Variants in ZBTB34 observed in about 807,000 individuals in gnomAD.
ZBTB34 encodes the protein zinc finger and BTB domain-containing protein 34.
Under a neutral mutation model 33.4 loss-of-function variants are expected in ZBTB34, and 1 was observed. The ratio of observed to expected loss-of-function variants is 0.03; its 90% CI spans 0.01 to 0.14. ZBTB34 has a LOEUF of 0.14. Ranked by LOEUF, ZBTB34 falls within the 10% of genes least tolerant of loss-of-function variation. ZBTB34 has a pLI of 1.00. For missense variants in ZBTB34, 406 were observed against 657.2 expected, an observed-to-expected ratio of 0.62 and a Z score of 4.18; for synonymous variants, 283 against 253.5, an observed-to-expected ratio of 1.12 and a Z score of -1.11.
chr9:126,877,017 T>G (rs1309213453), intron 1 of ZBTB34, among the ~76,000 whole-genome samples: 1 of 152,188 alleles, frequency 6.6e-6, no homozygotes, highest in Non-Finnish European at 1.5e-5. Context: ...TTATGTGCTG[T>G]TTTTCTGTAT....
intron 1 of ZBTB34, among the ~76,000 whole-genome samples, chr9:126,867,664 T>C (rs1199425321): frequency 6.6e-6 from 1 of 152,064 alleles, no homozygotes. Context: ...GTCGAATGTA[T>C]TTGTCTTTGC....
At chr9:126,872,577 G>A (rs1041471480) in intron 1 of ZBTB34, among the ~76,000 whole-genome samples, 5 of 152,150 alleles carry the variant, frequency 3.3e-5, no homozygotes, top group Admixed American at 1.3e-4. Flanking sequence ...TTGTGCCTAC[G>A]TAAGAGGCTC....
chr9:126,884,252 CAAAG>C (rs2033488697), exon 2 of ZBTB34: 2 of 166,986 alleles, frequency 1.2e-5, no homozygotes, highest in Non-Finnish European at 1.5e-5. Flanking sequence ...ACTGTGAAGA[CAAAG>C]AATTTTATAC....
intron 1 of ZBTB34, among the ~76,000 whole-genome samples, chr9:126,875,532 T>C (rs1376742699): frequency 6.6e-6 from 1 of 152,164 alleles, no homozygotes; most frequent in East Asian, 1.9e-4. Flanking sequence ...GAGTTGTATT[T>C]TTCTTGTTGA....
chr9:126,878,790 C>G (rs1302876854), intron 1 of ZBTB34, among the ~76,000 whole-genome samples: 1 of 149,332 alleles, frequency 6.7e-6, no homozygotes, highest in Non-Finnish European at 1.5e-5. Flanking sequence ...GTGGTGTGCT[C>G]TCGGCTCACT....
At chr9:126,881,125 C>T (rs2119235932) in exon 2 of ZBTB34, 2 of 572,344 alleles carry the variant, frequency 3.5e-6, no homozygotes, top group East Asian at 3.1e-5. Flanking sequence ...GCAACGCATC[C>T]AGGGAAAACA....
At chr9:126,882,787 GTTTT>G (rs1298967253) in exon 2 of ZBTB34, 1 of 166,994 alleles carries the variant, frequency 6.0e-6, no homozygotes, top group Non-Finnish European at 1.5e-5. Flanking sequence ...TGGTGGATTT[GTTTT>G]TGTTTTTGTT....
chr9:126,875,683 C>A (rs2033346249), intron 1 of ZBTB34, among the ~76,000 whole-genome samples: 1 of 152,084 alleles, frequency 6.6e-6, no homozygotes, highest in African/African-American at 2.4e-5. Flanking sequence ...GATGCCTATT[C>A]TGACATTTTC....
At chr9:126,866,169 CT>C (rs1043329446) in intron 1 of ZBTB34, among the ~76,000 whole-genome samples, 1 of 151,894 alleles carries the variant, frequency 6.6e-6, no homozygotes, top group Non-Finnish European at 1.5e-5. Flanking sequence ...CAAAACGATC[CT>C]CAGTCAGTAC....
intron 1 of ZBTB34, among the ~76,000 whole-genome samples, chr9:126,873,288 A>G (rs994146068): frequency 2.0e-5 from 3 of 152,120 alleles, no homozygotes; most frequent in Non-Finnish European, 2.9e-5. Flanking sequence ...TTTTGAGACA[A>G]TGTCTCACTC....
At chr9:126,868,511 T>G (rs1330572498) in intron 1 of ZBTB34, among the ~76,000 whole-genome samples, 1 of 152,164 alleles carries the variant, frequency 6.6e-6, no homozygotes. Flanking sequence ...GTCCTCCTGC[T>G]CTGGTTGCCC....
intron 1 of ZBTB34, among the ~76,000 whole-genome samples, chr9:126,876,804 G>T (rs1163236188): frequency 6.6e-6 from 1 of 152,156 alleles, no homozygotes; most frequent in Admixed American, 6.6e-5. Flanking sequence ...ATTTCATACA[G>T]ATTTCAAATT....
chr9:126,866,173 G>A (rs2033198644), intron 1 of ZBTB34, among the ~76,000 whole-genome samples: 1 of 151,136 alleles, frequency 6.6e-6, no homozygotes, highest in Admixed American at 6.6e-5. Flanking sequence ...ACGATCCTCA[G>A]TCAGTACACA....
intron 1 of ZBTB34, among the ~76,000 whole-genome samples, chr9:126,873,422 CCTGA>C (rs1214459968): frequency 2.0e-5 from 3 of 151,932 alleles, no homozygotes; most frequent in East Asian, 3.9e-4. Context: ...CACCATCTTG[CCTGA>C]CTAATTTTTG....
chr9:126,872,247 G>A (rs979390075), intron 1 of ZBTB34, among the ~76,000 whole-genome samples: 7 of 152,106 alleles, frequency 4.6e-5, no homozygotes, highest in African/African-American at 9.7e-5. Context: ...CACCGCGCCC[G>A]GCCTACAAAA....
intron 1 of ZBTB34, among the ~76,000 whole-genome samples, chr9:126,863,408 T>C (rs2033165104): frequency 6.6e-6 from 1 of 152,240 alleles, no homozygotes; most frequent in African/African-American, 2.4e-5. Context: ...GTGTACCTAC[T>C]GAGTTTTGGA....
intron 1 of ZBTB34, among the ~76,000 whole-genome samples, chr9:126,874,687 G>A (rs1057396767): frequency 7.2e-5 from 11 of 151,958 alleles, no homozygotes; most frequent in Non-Finnish European, 1.6e-4. Flanking sequence ...TGCCCCTTGC[G>A]CCTTGTTCCA....
At chr9:126,872,783 A>G (rs570196478) in intron 1 of ZBTB34, among the ~76,000 whole-genome samples, 5 of 152,270 alleles carry the variant, frequency 3.3e-5, no homozygotes, top group South Asian at 2.1e-4. Context: ...CTAGGGGGGA[A>G]TCTTTGAATC....
chr9:126,868,751 C>G (rs147884469), intron 1 of ZBTB34, among the ~76,000 whole-genome samples: 1,805 of 152,292 alleles, frequency 0.012, 13 homozygotes, highest in Middle Eastern at 0.048. Flanking sequence ...AACCCTGTGT[C>G]TTCTTGGCAG....
Sources: allele counts gnomAD v4.1 joint callset (sites outside exome capture counted in the v4.1 genomes callset), GRCh38; gene constraint gnomAD v4.1.1; transcripts MANE v1.5; gene names NCBI Gene and HGNC (gene_info 2026-07-23, HGNC 2026-07-21).